The following SUPT3H variants were observed in gnomAD, a reference collection of about 807,000 sequenced individuals.
SUPT3H encodes the protein transcription initiation protein SPT3 homolog.
A neutral mutation model predicts 44.3 loss-of-function variants in SUPT3H; 44 were observed. The ratio of observed to expected loss-of-function variants is 0.99; its 90% CI spans 0.78 to 1.28. SUPT3H has a LOEUF of 1.28. Ranked by LOEUF, SUPT3H falls within the 50% of genes most tolerant of loss-of-function variation. The pLI is 0.00. For synonymous variants in SUPT3H, 124 were observed against 125.6 expected (o/e 0.99, Z 0.09); for missense variants, 380 against 387.1 (o/e 0.98, Z 0.15).
At chr6:45,304,325 T>A (rs9463083) in intron 2 of SUPT3H, among the ~76,000 whole-genome samples, 1 of 151,954 alleles carries the variant, frequency 6.6e-6, no homozygotes, top group African/African-American at 2.4e-5. Context: ...AGGTCTAATT[T>A]TGAAAATCAA....
rs1047360567 is a variant in SUPT3H, at chr6:44,909,124, GGTGTGTGTGTGTGTGTGCGTGTGTGT to G, written c.912+23503_912+23528del. 7.5e-4 allele frequency among the ~76,000 whole-genome samples: 88 copies of G among 117,130 alleles called. 1 individual carries two copies. In the South Asian group the frequency reaches 0.027, roughly 36 times the overall value. The allele number at this position is 117,130 out of a possible 152,430, so 76.8% of individuals were successfully genotyped here. ...TCTTTCTGCTGCTCTATACCTAAGA[GGTGTGTGTGTGTGTGTGCGTGTGTGT>G]GTGTGTGTGTGTGTGTGTGTGGTTA... is the stretch of plus-strand genomic sequence containing the variant. On this transcript the variant is annotated intron_variant, in intron 10 of 10. Coordinates refer to ENST00000371459, the MANE Select transcript of SUPT3H (RefSeq NM_003599.4).
At position 45,206,733 on chromosome 6, in the gene SUPT3H, T is replaced by A. The variant is rs144402949; in HGVS notation, c.102-100727A>T. Among the ~76,000 whole-genome samples, 299 of 152,146 alleles carry A rather than the reference T, an allele frequency of 2.0e-3. 1 individual carries two copies. Among genetic ancestry groups the A allele is most frequent in the African/African-American group, 6.4e-3 (266 of 41,504 alleles). ...CAATGTGTAGCAGTGGAAAGAAATGTGGGCTGTGAGAGAGTTAAAGATAAC... is the reference window on the plus strand; with the variant it reads ...CAATGTGTAGCAGTGGAAAGAAATGAGGGCTGTGAGAGAGTTAAAGATAAC... On this transcript the variant is annotated intron_variant, in intron 2 of 10. Transcript: ENST00000371459.
At chr6:45,228,518 T>C (rs1767346326) in intron 2 of SUPT3H, among the ~76,000 whole-genome samples, 1 of 152,322 alleles carries the variant, frequency 6.6e-6, no homozygotes, top group African/African-American at 2.4e-5. Flanking sequence ...ATGTTGGCTC[T>C]GCAGATGTTA....
intron 10 of SUPT3H, among the ~76,000 whole-genome samples, chr6:44,905,882 G>T (rs1450805081): frequency 1.3e-5 from 2 of 152,152 alleles, no homozygotes; most frequent in African/African-American, 2.4e-5. Flanking sequence ...TAGGGACATG[G>T]ATGAAGCTGG....
intron 2 of SUPT3H, among the ~76,000 whole-genome samples, chr6:45,128,288 C>A (rs1033851185): frequency 6.6e-6 from 1 of 151,302 alleles, no homozygotes; most frequent in Non-Finnish European, 1.5e-5. Context: ...AGGCAGATCA[C>A]GAGGTCAGGA....
intron 2 of SUPT3H, among the ~76,000 whole-genome samples, chr6:45,111,119 A>G (rs1797154): frequency 0.99 from 148,957 of 151,024 alleles, 73,506 homozygotes; most frequent in East Asian, 1. Flanking sequence ...TGCAACCTCC[A>G]CCTCCCGGCT....
At chr6:45,106,085 A>C in intron 2 of SUPT3H, 79 bp from the exon 3 acceptor site, 1 of 1,168,618 alleles carries the variant, frequency 8.6e-7, no homozygotes, top group Non-Finnish European at 1.3e-6. Context: ...TTATTACATG[A>C]ATCAGTTTAG....
At chr6:45,079,151 A>G in intron 3 of SUPT3H, among the ~76,000 whole-genome samples, 1 of 152,170 alleles carries the variant, frequency 6.6e-6, no homozygotes, top group East Asian at 1.9e-4. Flanking sequence ...CTACAACAAA[A>G]TACAAAAAAT....
rs1797667864 is a variant in SUPT3H, at chr6:45,095,461, TC to T, written c.186+10460del. Among the ~76,000 whole-genome samples, 2 of 55,294 alleles carry T rather than the reference TC, an allele frequency of 3.6e-5. No homozygotes were observed. The highest frequency in any genetic ancestry group is 4.5e-3 in the East Asian group (2 of 442). 36.3% of individuals were successfully genotyped at this position (55,294 alleles called of 152,430 possible). A position where few individuals can be genotyped will look rare whatever the true frequency, so the allele number is the denominator to read the frequency against. The stretch of plus-strand genomic sequence containing the variant: ...GAGGGGTGAATTCAGTGCATTTTAA[TC>T]CAGATCGGAGATTAAGCCATAACTC... On this transcript the variant is annotated intron_variant, in intron 3 of 10. Coordinates refer to ENST00000371459, the MANE Select transcript of SUPT3H (RefSeq NM_003599.4). This position sits in a 1 kb window ranked among gnomAD's most constrained non-coding sequence, Gnocchi z 4.1.
chr6:45,256,765 A>T (rs1773478583), intron 2 of SUPT3H, among the ~76,000 whole-genome samples: 1 of 152,238 alleles, frequency 6.6e-6, no homozygotes, highest in Non-Finnish European at 1.5e-5. Context: ...ATATGTCAGT[A>T]CTTCCGTCCT....
At chr6:45,200,045 CAG>C (rs577102477) in intron 2 of SUPT3H, among the ~76,000 whole-genome samples, 2 of 151,460 alleles carry the variant, frequency 1.3e-5, no homozygotes, top group African/African-American at 4.8e-5. Context: ...TCAACCAAAT[CAG>C]AGACTGTAAG....
intron 2 of SUPT3H, among the ~76,000 whole-genome samples, chr6:45,109,775 T>C (rs1471222794): frequency 1.3e-5 from 2 of 152,136 alleles, no homozygotes; most frequent in African/African-American, 4.8e-5. Context: ...CTGCAATGTA[T>C]GTACTACTTG....
At chr6:44,859,492 G>A (rs1188243807) in intron 10 of SUPT3H, among the ~76,000 whole-genome samples, 1 of 152,080 alleles carries the variant, frequency 6.6e-6, no homozygotes, top group African/African-American at 2.4e-5. Context: ...ATCCTGGCAA[G>A]TGAAATACAG....
In SUPT3H at chr6:45,315,922, C is replaced by CAGACAGATAGAT. The variant is rs1554339652; in HGVS notation, c.101+49278_101+49279insATCTATCTGTCT. ...GAGTGGATAAAGAAGCTCAGATAGA[C>CAGACAGATAGAT]AGATAGATAGATAGATAGATAGATA... On this transcript the variant is annotated intron_variant, in intron 2 of 10. Coordinates refer to ENST00000371459, the MANE Select transcript of SUPT3H (RefSeq NM_003599.4). Among the ~76,000 whole-genome samples the CAGACAGATAGAT allele has an allele frequency of 2.6e-3, 381 of 145,580 alleles. 4 individuals are homozygous for CAGACAGATAGAT. The highest frequency in any genetic ancestry group is 0.01 in the Middle Eastern group (3 of 290).
At chr6:44,900,084 T>A (rs992405098) in intron 10 of SUPT3H, among the ~76,000 whole-genome samples, 6 of 152,302 alleles carry the variant, frequency 3.9e-5, no homozygotes, top group Non-Finnish European at 5.9e-5. Flanking sequence ...AGTCTACAGC[T>A]CCCAGCATAA....
At chr6:45,289,770 G>T (rs1780001270) in intron 2 of SUPT3H, among the ~76,000 whole-genome samples, 1 of 152,190 alleles carries the variant, frequency 6.6e-6, no homozygotes, top group African/African-American at 2.4e-5. Flanking sequence ...GTAAGGATGA[G>T]ATATTTACTA....
chr6:45,050,570 T>C (rs1201382741), intron 3 of SUPT3H, among the ~76,000 whole-genome samples: 2 of 152,162 alleles, frequency 1.3e-5, no homozygotes, highest in Non-Finnish European at 2.9e-5. Flanking sequence ...TACTAAAATG[T>C]TCTTGGTCTC....
chr6:45,157,423 T>C (rs1583892771), intron 2 of SUPT3H, among the ~76,000 whole-genome samples: 2 of 151,934 alleles, frequency 1.3e-5, no homozygotes, highest in Admixed American at 1.3e-4. Flanking sequence ...ACCTACAGAT[T>C]TGAAAGACGT....
intron 10 of SUPT3H, among the ~76,000 whole-genome samples, chr6:44,833,747 A>G (rs1208671381): frequency 1.3e-5 from 2 of 152,096 alleles, no homozygotes; most frequent in African/African-American, 4.8e-5. Flanking sequence ...ATTATACTAC[A>G]TTGTCTTACA....
Sources: allele counts gnomAD v4.1 joint callset (sites outside exome capture counted in the v4.1 genomes callset), GRCh38; gene constraint gnomAD v4.1.1; non-coding constraint Gnocchi (gnomAD v3.1); transcripts MANE v1.5; gene names NCBI Gene and HGNC (gene_info 2026-07-23, HGNC 2026-07-21).